Variants in PTPRO observed in about 807,000 individuals in gnomAD.
PTPRO encodes receptor-type tyrosine-protein phosphatase O.
PTPRO carries 62 observed loss-of-function variants against 145.2 expected under a neutral mutation model. The ratio of observed to expected loss-of-function variants is 0.43; its 90% CI spans 0.35 to 0.53. The LOEUF (loss-of-function observed/expected upper bound fraction) is 0.53. PTPRO is among the 20% of genes least tolerant of loss of function. The probability of loss-of-function intolerance (pLI) is 0.01; values close to 1 mark genes in which losing one functional copy is unlikely to be tolerated. For missense variants in PTPRO, 1,345 were observed against 1,482.7 expected (o/e 0.91, Z 1.53); for synonymous variants, 565 against 514.7 (o/e 1.10, Z -1.32).
intron 2 of PTPRO, 125 bp from the exon 3 acceptor site, chr12:15,497,120 C>T: frequency 1.2e-6 from 1 of 856,956 alleles, no homozygotes; most frequent in Non-Finnish European, 1.9e-6. Flanking sequence ...GAGTTTAGTG[C>T]CCACAGACAG....
intron 1 of PTPRO, among the ~76,000 whole-genome samples, chr12:15,376,153 C>A (rs887089889): frequency 6.6e-6 from 1 of 151,806 alleles, no homozygotes; most frequent in African/African-American, 2.4e-5. Context: ...GTCAAGGAGA[C>A]CCACACCTAG....
intron 1 of PTPRO, among the ~76,000 whole-genome samples, chr12:15,482,705 A>G (rs1351916562): frequency 2.0e-5 from 3 of 152,200 alleles, no homozygotes; most frequent in Non-Finnish European, 2.9e-5. Flanking sequence ...TAAATTGAGT[A>G]ATTTGTTAGA....
chr12:15,399,843 G>C (rs1939439688), intron 1 of PTPRO, among the ~76,000 whole-genome samples: 1 of 151,552 alleles, frequency 6.6e-6, no homozygotes, highest in Non-Finnish European at 1.5e-5. Context: ...TTGAGGTCAG[G>C]GGTTCGAGAC....
chr12:15,468,510 A>G (rs1292378052), intron 1 of PTPRO, among the ~76,000 whole-genome samples: 1 of 152,066 alleles, frequency 6.6e-6, no homozygotes, highest in African/African-American at 2.4e-5. Context: ...TTTCTCTCCA[A>G]CTAATCATCA....
intron 16 of PTPRO, among the ~76,000 whole-genome samples, chr12:15,559,276 A>G (rs1943715215): frequency 6.6e-6 from 1 of 152,196 alleles, no homozygotes; most frequent in East Asian, 1.9e-4. Flanking sequence ...AGCTCTTCAC[A>G]AAGACAGTTT....
intron 2 of PTPRO, among the ~76,000 whole-genome samples, chr12:15,490,019 GT>G (rs969283129): frequency 6.6e-6 from 1 of 152,152 alleles, no homozygotes; most frequent in African/African-American, 2.4e-5. Flanking sequence ...AACAAGAAAG[GT>G]GGCTAGAAAT....
In PTPRO at chr12:15,501,979, T is replaced by C. The variant is rs1942231532; in HGVS notation, c.1021T>C (p.Phe341Leu). ...EKSTSGSFSFFPVQMILTWLP... is the reference protein window; with the variant it reads ...EKSTSGSFSFLPVQMILTWLP... The stretch of plus-strand genomic sequence containing the variant: ...GTCAACATCAGGCTCTTTCTCCTTT[T>C]TCCCTGTGCAAATGATATTGACCTG... Residue 341 changes from phenylalanine to leucine, a missense_variant, in exon 5 of 27, where the codon TTC (phenylalanine) becomes CTC (leucine). This residue lies in a region of PTPRO where 1,130 missense variants were observed against 1,214.7 expected (regional missense o/e 0.93). Coordinates refer to ENST00000281171, the MANE Select transcript of PTPRO (RefSeq NM_030667.3). 2 of 1,613,906 alleles carry C rather than the reference T, an allele frequency of 1.2e-6. No homozygotes were observed. The highest frequency in any genetic ancestry group is 1.1e-5 in the South Asian group (1 of 91,076).
chr12:15,584,481 T>G (rs10846215), intron 23 of PTPRO, among the ~76,000 whole-genome samples: 30,525 of 152,174 alleles, frequency 0.2, 3,270 homozygotes, highest in East Asian at 0.26. Flanking sequence ...GATTATTGCT[T>G]GGTCAGTACT....
chr12:15,479,510 G>A (rs541713474), intron 1 of PTPRO, among the ~76,000 whole-genome samples: 86 of 152,300 alleles, frequency 5.6e-4, no homozygotes, highest in Non-Finnish European at 1.0e-3. Flanking sequence ...CTCCACTGGA[G>A]ACACTAGGTT....
At chr12:15,405,257 G>A (rs976294946) in intron 1 of PTPRO, among the ~76,000 whole-genome samples, 15 of 152,302 alleles carry the variant, frequency 9.8e-5, no homozygotes, top group South Asian at 6.2e-4. Context: ...AATATGTCAT[G>A]AATATCATCT....
intron 1 of PTPRO, among the ~76,000 whole-genome samples, chr12:15,425,624 A>G (rs1373704948): frequency 3.3e-5 from 5 of 152,276 alleles, no homozygotes; most frequent in Middle Eastern, 3.4e-3. Context: ...TCTGCAATGT[A>G]TTCTTGTGCA....
chr12:15,348,454 A>G (rs999741707), intron 1 of PTPRO: 8 of 152,268 alleles, frequency 5.3e-5, no homozygotes, highest in African/African-American at 1.9e-4. Context: ...ACAACAGTGA[A>G]GGAGTTAAAA....
chr12:15,513,201 GAA>G (rs1349743740), intron 7 of PTPRO, among the ~76,000 whole-genome samples: 1 of 105,104 alleles, frequency 9.5e-6, no homozygotes, highest in African/African-American at 4.2e-5. Context: ...AAGAAAGAAA[GAA>G]AGAAAGAAAG....
At position 15,580,175 on chromosome 12, in the gene PTPRO, G is replaced by A. The variant is rs1196703189; in HGVS notation, c.2997+60G>A. The A allele has an allele frequency of 6.1e-6, 8 of 1,321,304 alleles. No homozygotes were observed. In the East Asian group the frequency reaches 1.6e-4, roughly 27 times the overall value. The allele number at this position is 1,321,304 out of a possible 1,614,324, so 81.8% of individuals were successfully genotyped here. On this transcript the variant is annotated intron_variant, in intron 21 of 26. Transcript: ENST00000281171. ...TAACCAGCCAGAGAAAGACTAGCAG[G>A]GCTATATGGATGTGTCAAACAGTTC...
intron 2 of PTPRO, among the ~76,000 whole-genome samples, chr12:15,495,052 G>A (rs184506936): frequency 6.6e-6 from 1 of 151,976 alleles, no homozygotes; most frequent in Admixed American, 6.6e-5. Flanking sequence ...AGTTTTCAAG[G>A]GTTGGTTGAT....
intron 2 of PTPRO, 58 bp from the exon 3 acceptor site, chr12:15,497,187 T>G: frequency 7.0e-7 from 1 of 1,438,364 alleles, no homozygotes; most frequent in South Asian, 1.2e-5. Flanking sequence ...CAAGTATTGA[T>G]ATCGGCCTTT....
chr12:15,430,148 A>T (rs149778378), intron 1 of PTPRO, among the ~76,000 whole-genome samples: 39 of 152,002 alleles, frequency 2.6e-4, no homozygotes, highest in African/African-American at 4.1e-4. Flanking sequence ...TACAGATTTG[A>T]GAGGTTTTTG....
intron 4 of PTPRO, 126 bp downstream of exon 4, chr12:15,499,720 C>T (rs549452568): frequency 9.1e-7 from 1 of 1,098,620 alleles, no homozygotes; most frequent in South Asian, 1.5e-5. Flanking sequence ...TGTTTAATAA[C>T]CTAAAACAGA....
At chr12:15,593,718 A>G (rs1434827079) in intron 25 of PTPRO, among the ~76,000 whole-genome samples, 2 of 152,240 alleles carry the variant, frequency 1.3e-5, no homozygotes, top group African/African-American at 4.8e-5. Flanking sequence ...ACTTTTTACT[A>G]TTATCTGTGT....
Sources: gnomAD v4.1 joint callset for allele counts (sites outside exome capture counted in the v4.1 genomes callset) on GRCh38, gnomAD v4.1.1 for gene constraint, gnomAD v4.1.1 regional missense constraint, MANE v1.5 for transcripts, NCBI Gene and HGNC (gene_info 2026-07-23, HGNC 2026-07-21) for gene names.